Variants in THADA observed in about 807,000 individuals in gnomAD.
THADA encodes the protein THADA armadillo repeat containing.
THADA carries 213 observed loss-of-function variants against 219.8 expected under a neutral mutation model. The ratio of observed to expected loss-of-function variants is 0.97; its 90% CI spans 0.87 to 1.09. The LOEUF is 1.09. THADA is among the 50% of genes least tolerant of loss of function. The pLI is 0.00. For missense variants in THADA, 2,956 were observed against 2,311.3 expected, an observed-to-expected ratio of 1.28 and a Z score of -5.72; for synonymous variants, 1,018 against 828.9, an observed-to-expected ratio of 1.23 and a Z score of -3.92.
At chr2:43,559,201 CT>C (rs994442584) in intron 16 of THADA, among the ~76,000 whole-genome samples, 1 of 152,254 alleles carries the variant, frequency 6.6e-6, no homozygotes, top group Admixed American at 6.5e-5. Context: ...AGTTAGCAGC[CT>C]GAGCACCAGG....
intron 21 of THADA, among the ~76,000 whole-genome samples, chr2:43,532,229 C>T (rs1029075744): frequency 5.3e-5 from 8 of 151,554 alleles, no homozygotes; most frequent in African/African-American, 1.9e-4. Flanking sequence ...CTGGACAACA[C>T]AGTAAAACCC....
chr2:43,264,323 T>C (rs1467359331), intron 36 of THADA, among the ~76,000 whole-genome samples: 1 of 151,748 alleles, frequency 6.6e-6, no homozygotes, highest in Non-Finnish European at 1.5e-5. Flanking sequence ...TTTGCTCTTG[T>C]TGCCCGGGCT....
At chr2:43,377,605 G>A (rs1036119270) in intron 29 of THADA, among the ~76,000 whole-genome samples, 8 of 152,146 alleles carry the variant, frequency 5.3e-5, no homozygotes, top group Admixed American at 2.6e-4. Flanking sequence ...TCTGATCGGG[G>A]ATATGGCAAA....
chr2:43,420,893 A>G (rs1181193635), intron 28 of THADA, among the ~76,000 whole-genome samples: 3 of 152,242 alleles, frequency 2.0e-5, no homozygotes, highest in Admixed American at 6.5e-5. Flanking sequence ...TCAGAGGGCC[A>G]TGAGTACAGC....
chr2:43,572,811 T>C lies in THADA; in HGVS notation c.1908+3A>G. The C allele has an allele frequency of 1.2e-6, 2 of 1,612,968 alleles. No individual in the cohort carries two copies. The highest frequency in any genetic ancestry group is 1.7e-6 in the Non-Finnish European group (2 of 1,179,472). On this transcript the variant is annotated splice_donor_region_variant and intron_variant, in intron 12 of 37. Coordinates refer to ENST00000405975, the MANE Select transcript of THADA (RefSeq NM_022065.5). ...ACAAATCCAGGTAATTTTCTTTACT[T>C]ACTTGGCAATGCTGATGAATTAAGC...
chr2:43,572,157 A>G (rs1439066949), intron 12 of THADA, among the ~76,000 whole-genome samples: 1 of 152,002 alleles, frequency 6.6e-6, no homozygotes, highest in African/African-American at 2.4e-5. Context: ...CTTTTACCCC[A>G]TCACCTCACT....
intron 29 of THADA, among the ~76,000 whole-genome samples, chr2:43,357,605 G>A (rs1669012341): frequency 6.6e-6 from 1 of 152,214 alleles, no homozygotes; most frequent in Non-Finnish European, 1.5e-5. Context: ...GTATGGAATA[G>A]GAAAGTTTAG....
At chr2:43,299,182 T>A (rs74743021) in intron 31 of THADA, among the ~76,000 whole-genome samples, 6,652 of 147,126 alleles carry the variant, frequency 0.045, 938 homozygotes, top group East Asian at 0.38. Flanking sequence ...TGCAAATATT[T>A]AAAAAAAAAA....
chr2:43,265,046 C>A (rs1671363429), intron 36 of THADA, among the ~76,000 whole-genome samples: 2 of 152,352 alleles, frequency 1.3e-5, no homozygotes, highest in African/African-American at 2.4e-5. Context: ...AGGTTCTGAT[C>A]CCTGAGTGTG....
At chr2:43,370,679 A>T (rs192796218) in intron 29 of THADA, among the ~76,000 whole-genome samples, 262 of 152,356 alleles carry the variant, frequency 1.7e-3, no homozygotes, top group African/African-American at 6.1e-3. Flanking sequence ...TACTGAACAC[A>T]AAAGTTTCAA....
At chr2:43,569,256 C>G (rs566553187) in intron 14 of THADA, among the ~76,000 whole-genome samples, 1 of 152,304 alleles carries the variant, frequency 6.6e-6, no homozygotes, top group African/African-American at 2.4e-5. Flanking sequence ...AGATTATAGG[C>G]ATGAGCCACC....
chr2:43,575,928 T>C (rs1166162671), intron 10 of THADA, among the ~76,000 whole-genome samples: 1 of 152,230 alleles, frequency 6.6e-6, no homozygotes, highest in African/African-American at 2.4e-5. Context: ...TAAAGTTGTT[T>C]GAATTAACTT....
intron 15 of THADA, chr2:43,565,823 C>T: frequency 6.5e-6 from 1 of 152,854 alleles, no homozygotes; most frequent in Non-Finnish European, 1.5e-5. Context: ...CACGGTGGCT[C>T]ACGCCTGTAA....
chr2:43,290,401 G>C (rs1192151629), intron 34 of THADA, among the ~76,000 whole-genome samples: 3 of 151,816 alleles, frequency 2.0e-5, no homozygotes, highest in Non-Finnish European at 4.4e-5. Flanking sequence ...TGGCTCCCTG[G>C]CTTGCCTTTG....
intron 30 of THADA, among the ~76,000 whole-genome samples, chr2:43,338,266 C>G (rs1418778835): frequency 6.6e-6 from 1 of 151,368 alleles, no homozygotes; most frequent in East Asian, 1.9e-4. Context: ...AAGCGATTCT[C>G]CTGCTTCAGC....
chr2:43,400,484 T>TATATATATATATATATATATATAA, intron 28 of THADA, among the ~76,000 whole-genome samples: 1 of 145,960 alleles, frequency 6.9e-6, no homozygotes, highest in Non-Finnish European at 1.5e-5. Context: ...TATAAATATA[T>TATATATATATATATATATATATAA]ACACTAAGAA....
chr2:43,477,377 C>T (rs1217008001), intron 26 of THADA, among the ~76,000 whole-genome samples: 1 of 152,124 alleles, frequency 6.6e-6, no homozygotes, highest in East Asian at 1.9e-4. Context: ...GTCTGAGAAA[C>T]CTGTCATTAT....
At chr2:43,389,847 A>T (rs1455899080) in intron 29 of THADA, among the ~76,000 whole-genome samples, 1 of 151,576 alleles carries the variant, frequency 6.6e-6, no homozygotes, top group East Asian at 1.9e-4. Context: ...CAGATGTGTG[A>T]TCTCGGCCAC....
At chr2:43,315,749 G>A (rs912744978) in intron 31 of THADA, among the ~76,000 whole-genome samples, 5 of 152,230 alleles carry the variant, frequency 3.3e-5, no homozygotes, top group African/African-American at 1.2e-4. Flanking sequence ...TTATAGGCGT[G>A]AGCCACTGCA....
Sources: allele counts gnomAD v4.1 joint callset (sites outside exome capture counted in the v4.1 genomes callset), GRCh38; gene constraint gnomAD v4.1.1; transcripts MANE v1.5; gene names NCBI Gene and HGNC (gene_info 2026-07-23, HGNC 2026-07-21).